SORCS3: variants seen among roughly 807,000 people sequenced by gnomAD.
SORCS3 encodes the protein sortilin related VPS10 domain containing receptor 3.
SORCS3 carries 57 observed loss-of-function variants against 146.3 expected under a neutral mutation model. The ratio of observed to expected loss-of-function variants is 0.39; its 90% CI spans 0.31 to 0.49. The LOEUF (loss-of-function observed/expected upper bound fraction) is 0.49. SORCS3 is among the 20% of genes least tolerant of loss of function. The pLI, the probability that SORCS3 is intolerant of heterozygous loss-of-function variation, is 0.92. For synonymous variants in SORCS3, 653 were observed against 618.5 expected (o/e 1.06, Z -0.83); for missense variants, 1,341 against 1,575.5 (o/e 0.85, Z 2.52).
chr10:104,929,515 G>C (rs915193609), intron 3 of SORCS3, among the ~76,000 whole-genome samples: 1 of 152,200 alleles, frequency 6.6e-6, no homozygotes, highest in Non-Finnish European at 1.5e-5. Context: ...CCATCTGCCT[G>C]TGTGCTCTGT....
At chr10:104,826,188 C>T (rs2017933202) in intron 1 of SORCS3, among the ~76,000 whole-genome samples, 1 of 152,164 alleles carries the variant, frequency 6.6e-6, no homozygotes. Flanking sequence ...TGCTCATTAT[C>T]TGTGTAATAC....
rs1448239555 is a variant in SORCS3, at chr10:105,178,171, G to A, written c.2007G>A (p.Met669Ile). 6.2e-7 allele frequency: 1 copy of A among 1,608,012 alleles called. No homozygotes were observed. Among genetic ancestry groups the A allele is most frequent in the South Asian group, 1.1e-5 (1 of 90,630 alleles). Residue 669 changes from methionine (M) to isoleucine (I), a missense_variant and splice_region_variant, in exon 14 of 27, where the codon ATG becomes ATA. Transcript: ENST00000369701. Reference protein sequence around the residue: ...LVEAGMETHIMTVFGHFSLRS... With the variant: ...LVEAGMETHIITVFGHFSLRS... ...AGGCAGGAATGGAGACCCACATCAT[G>A]ACGTGAGTACTTCTTTTGCTGTGAC...
chr10:104,907,751 G>T (rs1005814403), intron 2 of SORCS3, among the ~76,000 whole-genome samples: 22 of 152,234 alleles, frequency 1.4e-4, no homozygotes, highest in Admixed American at 3.9e-4. Flanking sequence ...AGAGGTCAGG[G>T]AGAGCTGTGT....
chr10:104,783,294 C>T (rs2017395660), intron 1 of SORCS3, among the ~76,000 whole-genome samples: 1 of 152,196 alleles, frequency 6.6e-6, no homozygotes, highest in Non-Finnish European at 1.5e-5. Flanking sequence ...TCTCAATAGA[C>T]TATTGGACCT....
At chr10:104,855,625 G>A (rs1038301206) in intron 2 of SORCS3, among the ~76,000 whole-genome samples, 1 of 152,080 alleles carries the variant, frequency 6.6e-6, no homozygotes, top group Non-Finnish European at 1.5e-5. Context: ...CATATTTATT[G>A]CAACTGACCA....
chr10:105,000,753 G>T (rs955046010), intron 4 of SORCS3, among the ~76,000 whole-genome samples: 1 of 152,094 alleles, frequency 6.6e-6, no homozygotes, highest in African/African-American at 2.4e-5. Context: ...CCAACATATT[G>T]GAGGGCACCA....
In SORCS3 at chr10:105,243,271, A is replaced by G. The variant is rs111784886; in HGVS notation, c.2869-2271A>G. ...ATTGCTGAGTCCTCACAGATCACCT[A>G]ACCCAAACCACTCATTTAACAGATA... On this transcript the variant is annotated intron_variant, in intron 20 of 26. Transcript: ENST00000369701. Among the ~76,000 whole-genome samples, 142 of 151,980 alleles carry G rather than the reference A, an allele frequency of 9.3e-4. 2 individuals are homozygous for G. The highest frequency in any genetic ancestry group is 3.3e-3 in the African/African-American group (137 of 41,466).
At chr10:104,893,338 C>T (rs1455573556) in intron 2 of SORCS3, among the ~76,000 whole-genome samples, 5 of 152,182 alleles carry the variant, frequency 3.3e-5, no homozygotes, top group Admixed American at 6.5e-5. Context: ...CAAGGGTAGT[C>T]GGTCTCCCAG....
intron 19 of SORCS3, among the ~76,000 whole-genome samples, chr10:105,222,005 A>C (rs1271938207): frequency 6.6e-6 from 1 of 151,708 alleles, no homozygotes; most frequent in East Asian, 1.9e-4. Flanking sequence ...AGTGTTAAAA[A>C]ACTATTTACC....
chr10:105,011,283 T>G (rs909323248), intron 4 of SORCS3, among the ~76,000 whole-genome samples: 2 of 152,204 alleles, frequency 1.3e-5, no homozygotes, highest in Non-Finnish European at 2.9e-5. Flanking sequence ...ACCACCATCA[T>G]GATATGGAAC....
intron 22 of SORCS3, among the ~76,000 whole-genome samples, chr10:105,248,485 G>A (rs562062049): frequency 3.9e-5 from 6 of 152,214 alleles, no homozygotes; most frequent in Admixed American, 6.5e-5. Flanking sequence ...AGGCCGAGGC[G>A]GGTGTATCAC....
intron 2 of SORCS3, among the ~76,000 whole-genome samples, chr10:104,875,111 A>T (rs2018557789): frequency 6.6e-6 from 1 of 152,164 alleles, no homozygotes; most frequent in Admixed American, 6.5e-5. Context: ...TCCTTAAAAG[A>T]TTATATACTC....
intron 8 of SORCS3, among the ~76,000 whole-genome samples, chr10:105,143,007 A>G (rs2119455671): frequency 6.6e-6 from 1 of 152,250 alleles, no homozygotes; most frequent in African/African-American, 2.4e-5. Flanking sequence ...TTCTCAAAAG[A>G]GTTATCTGTA....
intron 20 of SORCS3, among the ~76,000 whole-genome samples, chr10:105,231,905 A>G (rs1369102361): frequency 6.6e-6 from 1 of 152,130 alleles, no homozygotes; most frequent in African/African-American, 2.4e-5. Flanking sequence ...TCAATTTGCT[A>G]ATGCTTTATT....
intron 20 of SORCS3, among the ~76,000 whole-genome samples, chr10:105,229,041 T>TA (rs1338403689): frequency 1.3e-5 from 2 of 152,180 alleles, no homozygotes; most frequent in Admixed American, 6.5e-5. Flanking sequence ...TGCTCATTTT[T>TA]AAAAATTGTT....
At chr10:104,955,725 C>G (rs2133629979) in intron 3 of SORCS3, among the ~76,000 whole-genome samples, 1 of 152,288 alleles carries the variant, frequency 6.6e-6, no homozygotes, top group African/African-American at 2.4e-5. Flanking sequence ...TGCCTTCACT[C>G]CTTTCCTTCG....
At chr10:104,964,857 A>G (rs2054817408) in intron 3 of SORCS3, among the ~76,000 whole-genome samples, 1 of 152,168 alleles carries the variant, frequency 6.6e-6, no homozygotes, top group Non-Finnish European at 1.5e-5. Context: ...TACCAACTAA[A>G]CAACAACTCC....
intron 14 of SORCS3, among the ~76,000 whole-genome samples, chr10:105,191,680 C>G (rs1032926769): frequency 6.6e-6 from 1 of 152,206 alleles, no homozygotes; most frequent in East Asian, 1.9e-4. Flanking sequence ...GTGTTGATTT[C>G]GGGAAGAAAC....
At chr10:105,226,492 A>T (rs961985450) in intron 20 of SORCS3, among the ~76,000 whole-genome samples, 1 of 151,970 alleles carries the variant, frequency 6.6e-6, no homozygotes, top group Non-Finnish European at 1.5e-5. Context: ...TCCTATATTC[A>T]TCGAGCCTAT....
Sources: allele counts gnomAD v4.1 joint callset (sites outside exome capture counted in the v4.1 genomes callset), GRCh38; gene constraint gnomAD v4.1.1; transcripts MANE v1.5; gene names NCBI Gene and HGNC (gene_info 2026-07-23, HGNC 2026-07-21).